The following PLXNA2 variants were observed in gnomAD, a reference collection of about 807,000 sequenced individuals.
The protein encoded by PLXNA2 is plexin A2, also known as plexin-A2.
A neutral mutation model predicts 193.5 loss-of-function variants in PLXNA2; 91 were observed. That is an observed-to-expected ratio of 0.47 (90% CI 0.40 to 0.56). The LOEUF (loss-of-function observed/expected upper bound fraction) is 0.56. PLXNA2 is among the 20% of genes least tolerant of loss of function. The pLI is 0.00. For synonymous variants in PLXNA2, 997 were observed against 1,027.3 expected, an observed-to-expected ratio of 0.97 and a Z score of 0.56; for missense variants, 1,995 against 2,503.2, an observed-to-expected ratio of 0.80 and a Z score of 4.33.
At position 208,084,524 on chromosome 1, in the gene PLXNA2, C is replaced by T. The variant is rs1558183770; in HGVS notation, c.2154G>A (p.Lys718=). ...GATTTCGCGCCTTAAGGGTGATTGG[C>T]TTTACCTCCCCGACTGGAATCAAGA... ...EEILIPVGEV[K]PITLKARNLP... The change falls in exon 10 of 32, where the codon AAG becomes AAA. Residue 718 remains lysine, a synonymous_variant. Transcript: ENST00000367033. 2 of 1,614,242 alleles carry T rather than the reference C, an allele frequency of 1.2e-6. No individual in the cohort carries two copies. Among genetic ancestry groups the T allele is most frequent in the South Asian group, 2.2e-5 (2 of 91,090 alleles).
chr1:208,193,801 G>A (rs1670263700), intron 3 of PLXNA2, among the ~76,000 whole-genome samples: 1 of 152,172 alleles, frequency 6.6e-6, no homozygotes, highest in African/African-American at 2.4e-5. Flanking sequence ...GCCAAGGCAG[G>A]AGGACTGCTT....
intron 1 of PLXNA2, among the ~76,000 whole-genome samples, chr1:208,241,753 G>A (rs747977733): frequency 1.3e-5 from 2 of 152,204 alleles, no homozygotes; most frequent in Non-Finnish European, 2.9e-5. Context: ...TTTATCAGCA[G>A]GTCCCTGAAG....
intron 26 of PLXNA2, among the ~76,000 whole-genome samples, chr1:208,035,624 T>A (rs538249059): frequency 6.6e-4 from 101 of 152,332 alleles, no homozygotes; most frequent in African/African-American, 2.1e-3. Context: ...GTGATCCAAT[T>A]AAACCCCTAA....
chr1:208,047,207 C>T (rs1471580374), intron 17 of PLXNA2, among the ~76,000 whole-genome samples: 3 of 131,712 alleles, frequency 2.3e-5, no homozygotes, highest in South Asian at 2.6e-4. Flanking sequence ...GTGATCCGCC[C>T]GCTTCGGCCT....
chr1:208,102,112 A>G (rs940297138), intron 5 of PLXNA2, among the ~76,000 whole-genome samples: 1 of 152,204 alleles, frequency 6.6e-6, no homozygotes, highest in Non-Finnish European at 1.5e-5. Flanking sequence ...CCAAAACCCA[A>G]GCAGGGAACC....
At chr1:208,173,009 ATC>A (rs1669543491) in intron 3 of PLXNA2, among the ~76,000 whole-genome samples, 1 of 152,220 alleles carries the variant, frequency 6.6e-6, no homozygotes, top group Non-Finnish European at 1.5e-5. Flanking sequence ...TCACTGGCAT[ATC>A]TGAGAGGCAG....
intron 12 of PLXNA2, among the ~76,000 whole-genome samples, chr1:208,075,896 A>G (rs1402084405): frequency 6.6e-6 from 1 of 151,876 alleles, no homozygotes; most frequent in Non-Finnish European, 1.5e-5. Flanking sequence ...CACCTTTACT[A>G]AAAATACAAA....
intron 4 of PLXNA2, among the ~76,000 whole-genome samples, chr1:208,114,957 T>C (rs747317594): frequency 3.3e-5 from 5 of 152,244 alleles, no homozygotes; most frequent in Non-Finnish European, 7.3e-5. Context: ...TATACTTACA[T>C]TGGAACATTT....
chr1:208,034,551 G>T lies in PLXNA2; in HGVS notation c.4806C>A (p.Thr1602=), dbSNP rs373970410. 4 of 1,613,914 alleles carry T rather than the reference G, an allele frequency of 2.5e-6. No individual in the cohort carries two copies. In the East Asian group the frequency reaches 8.9e-5, roughly 36 times the overall value. The part of the protein sequence containing the change: ...RSVVALVPKQ[T]SSYNIPASAS... ...CAGAGGCAGGGATGTTGTAGGAGGA[G>T]GTCTGTTTGGGGACCAGAGCCACCA... Residue 1602 remains threonine, a synonymous_variant, in exon 27 of 32, where the codon ACC becomes ACA. Coordinates refer to ENST00000367033, the MANE Select transcript of PLXNA2 (RefSeq NM_025179.4).
At chr1:208,144,923 C>A (rs570808706) in intron 3 of PLXNA2, among the ~76,000 whole-genome samples, 5 of 152,068 alleles carry the variant, frequency 3.3e-5, no homozygotes, top group African/African-American at 1.2e-4. Context: ...CAGCCTGTAA[C>A]CTGGAGCAAT....
At chr1:208,179,777 C>A (rs546941373) in intron 3 of PLXNA2, among the ~76,000 whole-genome samples, 1 of 152,188 alleles carries the variant, frequency 6.6e-6, no homozygotes, top group Admixed American at 6.5e-5. Context: ...TCTGTACTCT[C>A]TCCTGCTGCC....
intron 31 of PLXNA2, among the ~76,000 whole-genome samples, chr1:208,027,585 C>T (rs1295227796): frequency 4.6e-5 from 7 of 152,220 alleles, no homozygotes; most frequent in Non-Finnish European, 4.4e-5. Context: ...ATTGCTACTA[C>T]TACTACTACT....
chr1:208,099,370 T>C (rs973951181), intron 5 of PLXNA2, among the ~76,000 whole-genome samples: 2 of 152,176 alleles, frequency 1.3e-5, no homozygotes, highest in Admixed American at 1.3e-4. Context: ...GGCCCTGTTA[T>C]AGAATTTTGG....
At chr1:208,237,301 C>T (rs967786629) in intron 1 of PLXNA2, among the ~76,000 whole-genome samples, 5 of 152,168 alleles carry the variant, frequency 3.3e-5, no homozygotes, top group African/African-American at 9.7e-5. Flanking sequence ...CAGGTCCTTC[C>T]ATTTAATAAC....
intron 13 of PLXNA2, among the ~76,000 whole-genome samples, chr1:208,055,807 C>T (rs1665412571): frequency 6.6e-6 from 1 of 152,224 alleles, no homozygotes; most frequent in Non-Finnish European, 1.5e-5. Context: ...CGCCACTGAT[C>T]TCCATCTCCT....
intron 5 of PLXNA2, among the ~76,000 whole-genome samples, chr1:208,101,091 G>A (rs1049370624): frequency 6.6e-6 from 1 of 152,228 alleles, no homozygotes; most frequent in Non-Finnish European, 1.5e-5. Context: ...GCTCTAAAGT[G>A]AGCTCTTGAC....
At chr1:208,221,014 G>A (rs1671311795) in intron 1 of PLXNA2, among the ~76,000 whole-genome samples, 1 of 152,140 alleles carries the variant, frequency 6.6e-6, no homozygotes, top group Admixed American at 6.5e-5. Flanking sequence ...AGGAAGGCTG[G>A]TGGAAACACA....
rs1035180555 is a variant in PLXNA2 at position 208,091,697 on chromosome 1, C to A, written c.2097+1089G>T. On this transcript the variant is annotated intron_variant, in intron 9 of 31. Coordinates refer to ENST00000367033, the MANE Select transcript of PLXNA2 (RefSeq NM_025179.4). The stretch of plus-strand genomic sequence containing the variant: ...ACCATCCTGGCCAACATGGTGAAAC[C>A]CTGTCTCTACTAAAAATACAAAAAT... 2.6e-5 allele frequency among the ~76,000 whole-genome samples: 4 copies of A among 151,850 alleles called. No homozygotes were observed. The East Asian group carries it at 7.7e-4, about 29-fold the overall frequency.
intron 29 of PLXNA2, chr1:208,029,660 T>C (rs1370393703): frequency 2.0e-6 from 2 of 987,100 alleles, no homozygotes; most frequent in Non-Finnish European, 2.4e-6. Context: ...GAGGCCATTG[T>C]TGGCATCCTG....
Sources: allele counts gnomAD v4.1 joint callset (sites outside exome capture counted in the v4.1 genomes callset), GRCh38; gene constraint gnomAD v4.1.1; transcripts MANE v1.5; gene names NCBI Gene and HGNC (gene_info 2026-07-23, HGNC 2026-07-21).